FBXO3: variants seen among roughly 807,000 people sequenced by gnomAD.
FBXO3 encodes the protein F-box only protein 3.
FBXO3 carries 17 observed loss-of-function variants against 64.8 expected under a neutral mutation model. The observed-to-expected ratio is 0.26, with a 90% CI of 0.18 to 0.39. FBXO3 has a LOEUF of 0.39. FBXO3 is among the 10% of genes least tolerant of loss of function. The probability of loss-of-function intolerance (pLI) is 1.00; values close to 1 mark genes in which losing one functional copy is unlikely to be tolerated. For synonymous variants in FBXO3, 182 were observed against 201.6 expected (o/e 0.90, Z 0.82); for missense variants, 420 against 589.9 (o/e 0.71, Z 2.98).
Position 33,748,959 on chromosome 11 carries a change from C to G in FBXO3, c.933-67G>C, listed in dbSNP as rs979612306. 1.9e-5 allele frequency: 20 copies of G among 1,072,274 alleles called. No individual in the cohort carries two copies. In the African/African-American group the frequency reaches 2.8e-4, roughly 15 times the overall value. The allele number at this position is 1,072,274 out of a possible 1,614,324, so 66.4% of individuals were successfully genotyped here. A position where few individuals can be genotyped will look rare whatever the true frequency, so the allele number is the denominator to read the frequency against. On this transcript the variant is annotated intron_variant, in intron 8 of 10. Transcript: ENST00000265651. ...CTTTGTTTCTTTGGTTTAAGAGATA[C>G]AGTATTCAGGCTAATACTATGAAGA... is the stretch of plus-strand genomic sequence containing the variant.
At chr11:33,752,690 T>C (rs916036560) in intron 6 of FBXO3, among the ~76,000 whole-genome samples, 42 of 152,202 alleles carry the variant, frequency 2.8e-4, no homozygotes, top group African/African-American at 7.5e-4. Flanking sequence ...TCACTGATCA[T>C]GTACCTACTT....
intron 3 of FBXO3, among the ~76,000 whole-genome samples, chr11:33,764,957 G>A (rs1260035796): frequency 6.6e-6 from 1 of 152,072 alleles, no homozygotes; most frequent in Non-Finnish European, 1.5e-5. Flanking sequence ...CTGAGTGACC[G>A]TCTCAAAACA....
chr11:33,741,903 G>A lies in FBXO3; in HGVS notation c.*5C>T. ...ATCCTAGTGCTTCCATCAGCAGAAG[G>A]CTTGCTAAAAAAGGCGTGAGCAGCG... On this transcript the variant is annotated 3_prime_UTR_variant, in exon 11 of 11. Transcript: ENST00000265651. The A allele has an allele frequency of 2.5e-6, 4 of 1,608,828 alleles. No homozygotes were observed. Among genetic ancestry groups the A allele is most frequent in the Non-Finnish European group, 3.4e-6 (4 of 1,177,532 alleles).
In FBXO3 at chr11:33,741,456, A is replaced by T. The variant is rs1017825619; in HGVS notation, c.*452T>A. On this transcript the variant is annotated 3_prime_UTR_variant, in exon 11 of 11. Coordinates refer to ENST00000265651, the MANE Select transcript of FBXO3 (RefSeq NM_012175.4). ...TGAGTACAAAATATTAGGAATCACT[A>T]AATGGATTAGCCTAATTACAAATTT... The T allele has an allele frequency of 6.5e-6, 1 of 152,852 alleles. No individual in the cohort carries two copies. Among genetic ancestry groups the T allele is most frequent in the Non-Finnish European group, 1.5e-5 (1 of 68,182 alleles). 9.5% of individuals were successfully genotyped at this position (152,852 alleles called of 1,614,324 possible).
At chr11:33,748,657 C>A in intron 9 of FBXO3, 120 bp downstream of exon 9, 2 of 535,008 alleles carry the variant, frequency 3.7e-6, no homozygotes, top group Non-Finnish European at 6.5e-6. Context: ...AAAGTTAATG[C>A]TTAAGGGATT....
At chr11:33,745,852 G>C (rs1176394217) in intron 10 of FBXO3, 1 of 152,016 alleles carries the variant, frequency 6.6e-6, no homozygotes, top group African/African-American at 2.4e-5. Context: ...TCCTTTAAAT[G>C]ATCAATAAAA....
chr11:33,766,126 T>A (rs1855364876), intron 3 of FBXO3, among the ~76,000 whole-genome samples: 1 of 152,220 alleles, frequency 6.6e-6, no homozygotes, highest in Non-Finnish European at 1.5e-5. Flanking sequence ...CAGTGAGGAT[T>A]AATAAAGTGC....
intron 6 of FBXO3, among the ~76,000 whole-genome samples, chr11:33,752,098 T>A (rs1854975702): frequency 6.6e-6 from 1 of 152,216 alleles, no homozygotes; most frequent in Non-Finnish European, 1.5e-5. Context: ...ACCAGGGACA[T>A]GACATTGTGG....
At chr11:33,764,900 G>C (rs529988676) in intron 3 of FBXO3, among the ~76,000 whole-genome samples, 1 of 152,272 alleles carries the variant, frequency 6.6e-6, no homozygotes, top group Admixed American at 6.5e-5. Context: ...CTTGAACCTG[G>C]GAGGCAGAGG....
intron 4 of FBXO3, among the ~76,000 whole-genome samples, chr11:33,757,869 T>G (rs1112840): frequency 0.25 from 37,937 of 150,578 alleles, 6,070 homozygotes; most frequent in Middle Eastern, 0.48. Flanking sequence ...GGTGGCAGGA[T>G]TGCTTGAGCC....
chr11:33,754,353 T>C (rs767216841), intron 6 of FBXO3, 102 bp downstream of exon 6: 29 of 888,004 alleles, frequency 3.3e-5, no homozygotes, highest in South Asian at 2.9e-4. Flanking sequence ...AAGTATGAAA[T>C]TGCCAGCTGC....
At chr11:33,770,980 A>G in intron 1 of FBXO3, 150 bp from the exon 2 acceptor site, 1 of 568,592 alleles carries the variant, frequency 1.8e-6, no homozygotes. Flanking sequence ...ATTTTCTAAA[A>G]CCTGTTTAAC....
chr11:33,754,649 G>A (rs541323359), intron 5 of FBXO3, 149 bp from the exon 6 acceptor site: 1 of 607,994 alleles, frequency 1.6e-6, no homozygotes, highest in Admixed American at 3.6e-5. Flanking sequence ...CTAGAAGAAA[G>A]GGTTCTGAAT....
chr11:33,763,089 C>T (rs576571662), intron 3 of FBXO3: 1 of 197,994 alleles, frequency 5.1e-6, no homozygotes, highest in Non-Finnish European at 1.1e-5. Context: ...AGTCCTATAT[C>T]TAATAAAGGA....
chr11:33,746,161 T>C (rs1469996535), intron 10 of FBXO3: 1 of 152,820 alleles, frequency 6.5e-6, no homozygotes, highest in Non-Finnish European at 1.5e-5. Flanking sequence ...ACTTCAGTGA[T>C]GAATCATATC....
chr11:33,749,377 T>TTTG (rs1554945195), intron 8 of FBXO3, among the ~76,000 whole-genome samples: 3 of 150,594 alleles, frequency 2.0e-5, no homozygotes, highest in African/African-American at 7.3e-5. Flanking sequence ...TTTTTTTTTT[T>TTTG]GAGACAGGGT....
chr11:33,751,750 A>T (rs1403128436), intron 6 of FBXO3, 143 bp from the exon 7 acceptor site: 1 of 489,440 alleles, frequency 2.0e-6, no homozygotes, highest in Non-Finnish European at 3.5e-6. Context: ...CTAATTATTT[A>T]TAAGATCAAT....
intron 2 of FBXO3, among the ~76,000 whole-genome samples, chr11:33,770,080 C>T (rs1855476272): frequency 6.6e-6 from 1 of 152,090 alleles, no homozygotes; most frequent in Non-Finnish European, 1.5e-5. Context: ...GATTTATCAA[C>T]TTCACATGTA....
Position 33,754,440 on chromosome 11 carries a change from T to G in FBXO3, c.724+15A>C. On this transcript the variant is annotated intron_variant, in intron 6 of 10. Transcript: ENST00000265651. Reference sequence around the variant, plus strand: ...AAGAAGAAGAAGGGGGAAAAAAGACTTTTTTCTTTCCTACCTATAATAAAC... The same window carrying G: ...AAGAAGAAGAAGGGGGAAAAAAGACGTTTTTCTTTCCTACCTATAATAAAC... 6.4e-7 allele frequency: 1 copy of G among 1,569,784 alleles called. No homozygotes were observed. Among genetic ancestry groups the G allele is most frequent in the Middle Eastern group, 1.7e-4 (1 of 5,878 alleles).
Sources: gnomAD v4.1 joint callset for allele counts (sites outside exome capture counted in the v4.1 genomes callset) on GRCh38, gnomAD v4.1.1 for gene constraint, MANE v1.5 for transcripts, NCBI Gene and HGNC (gene_info 2026-07-23, HGNC 2026-07-21) for gene names.